The following MRPS9 variants were observed in gnomAD, a reference collection of about 807,000 sequenced individuals.
MRPS9 encodes small ribosomal subunit protein uS9m.
MRPS9 carries 45 observed loss-of-function variants against 59.9 expected under a neutral mutation model. The observed-to-expected ratio is 0.75, with a 90% CI of 0.59 to 0.96. The LOEUF (loss-of-function observed/expected upper bound fraction) is 0.96. MRPS9 is among the 40% of genes least tolerant of loss of function. The pLI, the probability that MRPS9 is intolerant of heterozygous loss-of-function variation, is 0.00. For synonymous variants in MRPS9, 171 were observed against 166.8 expected, an observed-to-expected ratio of 1.03 and a Z score of -0.19; for missense variants, 473 against 481.1, an observed-to-expected ratio of 0.98 and a Z score of 0.16.
At chr2:105,054,630 G>C (rs560320398) in intron 2 of MRPS9, among the ~76,000 whole-genome samples, 1 of 141,264 alleles carries the variant, frequency 7.1e-6, no homozygotes, top group Non-Finnish European at 1.5e-5. Flanking sequence ...TTTTGGTATC[G>C]CATTTTATTA....
rs373424317 is a variant in MRPS9 at position 105,058,622 on chromosome 2, C to T, written c.315+9272C>T. ...ACTTTTTCTTTCTTTTCTCTCAGCA[C>T]TTTTTGTTTTGGATTCACATTAAGT... On this transcript the variant is annotated intron_variant, in intron 2 of 10. Transcript: ENST00000258455. Among the ~76,000 whole-genome samples, 132 of 150,660 alleles carry T rather than the reference C, an allele frequency of 8.8e-4. 1 individual carries two copies. The highest frequency in any genetic ancestry group is 3.1e-3 in the African/African-American group (127 of 41,134).
At chr2:105,087,833 T>TTCCTTCCTTCC (rs1573446155) in intron 5 of MRPS9, among the ~76,000 whole-genome samples, 2 of 143,412 alleles carry the variant, frequency 1.4e-5, no homozygotes, top group Non-Finnish European at 1.5e-5. Context: ...CCTTCCTTCC[T>TTCCTTCCTTCC]TTGATTCCTC....
At chr2:105,042,552 GTCTT>G (rs531522880) in intron 1 of MRPS9, among the ~76,000 whole-genome samples, 119 of 152,304 alleles carry the variant, frequency 7.8e-4, no homozygotes, top group African/African-American at 2.8e-3. Flanking sequence ...ATGTATTTAG[GTCTT>G]TCTTCTATGG....
rs1201891417 is a variant in MRPS9 at position 105,084,135 on chromosome 2, G to A, written c.489+4073G>A. On this transcript the variant is annotated intron_variant, in intron 5 of 10. Coordinates refer to ENST00000258455, the MANE Select transcript of MRPS9 (RefSeq NM_182640.3). ...ACACTGCACTAGGTTTTAGCATTGTGTAGAAACTTCATTTATGTTTTAGAA... is the reference window on the plus strand; with the variant it reads ...ACACTGCACTAGGTTTTAGCATTGTATAGAAACTTCATTTATGTTTTAGAA... 2.6e-5 allele frequency among the ~76,000 whole-genome samples: 4 copies of A among 151,954 alleles called. No individual in the cohort carries two copies. In the East Asian group the frequency reaches 7.8e-4, roughly 30 times the overall value.
In MRPS9 at chr2:105,088,973, G is replaced by A; in HGVS notation, c.490-11G>A. 1 of 1,582,182 alleles carries A rather than the reference G, an allele frequency of 6.3e-7. No individual in the cohort carries two copies. Among genetic ancestry groups the A allele is most frequent in the Non-Finnish European group, 8.6e-7 (1 of 1,157,168 alleles). On this transcript the variant is annotated splice_polypyrimidine_tract_variant and intron_variant, in intron 5 of 10. Transcript: ENST00000258455. ...ATTTTTAGCATGTACTGTATATTTT[G>A]TTTGCCATAGGATGTATATGGAATG...
At chr2:105,084,195 G>C (rs899885438) in intron 5 of MRPS9, among the ~76,000 whole-genome samples, 1 of 149,450 alleles carries the variant, frequency 6.7e-6, no homozygotes, top group Non-Finnish European at 1.5e-5. Flanking sequence ...TATTTTCAAA[G>C]TATTTCTTTA....
intron 2 of MRPS9, among the ~76,000 whole-genome samples, chr2:105,051,550 G>A (rs534281677): frequency 6.6e-6 from 1 of 152,216 alleles, no homozygotes; most frequent in East Asian, 1.9e-4. Context: ...GAAATTTTAG[G>A]ATCAGCTTGT....
chr2:105,071,259 G>T lies in MRPS9; in HGVS notation c.316-54G>T. 3 of 1,461,492 alleles carry T rather than the reference G, an allele frequency of 2.1e-6. No individual in the cohort carries two copies. The South Asian group carries it at 3.6e-5, about 17-fold the overall frequency. The allele number at this position is 1,461,492 out of a possible 1,614,324, so 90.5% of individuals were successfully genotyped here. On this transcript the variant is annotated intron_variant, in intron 2 of 10. Transcript: ENST00000258455. ...TATAGAAAGCACTCTATAACTATTA[G>T]TTCTAACCTTGTTTATATAACAGTT... is the stretch of plus-strand genomic sequence containing the variant.
chr2:105,064,838 C>T (rs933575100), intron 2 of MRPS9, among the ~76,000 whole-genome samples: 25 of 152,268 alleles, frequency 1.6e-4, no homozygotes, highest in Admixed American at 2.0e-4. Context: ...AAACAATTTG[C>T]AAAGGCATTT....
chr2:105,058,144 CAG>C (rs1439329781), intron 2 of MRPS9, among the ~76,000 whole-genome samples: 2 of 152,282 alleles, frequency 1.3e-5, no homozygotes, highest in East Asian at 3.9e-4. Context: ...TTCTAATGAA[CAG>C]AGTCGTTAGG....
At chr2:105,083,674 A>T (rs912664523) in intron 5 of MRPS9, among the ~76,000 whole-genome samples, 10 of 152,180 alleles carry the variant, frequency 6.6e-5, no homozygotes, top group African/African-American at 2.4e-4. Context: ...TCTGCAGAAT[A>T]CAGACTGTGA....
At chr2:105,086,778 G>T (rs1053757943) in intron 5 of MRPS9, among the ~76,000 whole-genome samples, 1 of 151,300 alleles carries the variant, frequency 6.6e-6, no homozygotes, top group South Asian at 2.1e-4. Context: ...TGGATATGTA[G>T]TTGGAATGTA....
intron 10 of MRPS9, among the ~76,000 whole-genome samples, chr2:105,097,808 C>T (rs1228759781): frequency 1.3e-5 from 2 of 152,148 alleles, no homozygotes; most frequent in African/African-American, 2.4e-5. Context: ...TCGAGCAATC[C>T]TCCTGCCTCG....
At chr2:105,084,702 A>C (rs1057422493) in intron 5 of MRPS9, among the ~76,000 whole-genome samples, 2 of 152,232 alleles carry the variant, frequency 1.3e-5, no homozygotes, top group Non-Finnish European at 2.9e-5. Flanking sequence ...AAAAAGCTAC[A>C]AACTGATGCT....
intron 9 of MRPS9, 26 bp downstream of exon 9, chr2:105,093,664 T>C: frequency 7.9e-7 from 1 of 1,267,230 alleles, no homozygotes; most frequent in Non-Finnish European, 1.1e-6. Flanking sequence ...TGATTTTTTG[T>C]TTTTAAAGGA....
intron 2 of MRPS9, among the ~76,000 whole-genome samples, chr2:105,067,967 A>G (rs1680035479): frequency 6.6e-6 from 1 of 152,194 alleles, no homozygotes; most frequent in South Asian, 2.1e-4. Flanking sequence ...AGCTGGGACT[A>G]CAGTCATGTG....
At chr2:105,090,863 T>G (rs1680544022) in intron 7 of MRPS9, among the ~76,000 whole-genome samples, 1 of 152,198 alleles carries the variant, frequency 6.6e-6, no homozygotes, top group South Asian at 2.1e-4. Context: ...TGAATTGTTC[T>G]TTTTCTCATT....
chr2:105,096,308 A>C (rs1270331465), intron 9 of MRPS9, among the ~76,000 whole-genome samples: 1 of 152,224 alleles, frequency 6.6e-6, no homozygotes, highest in Non-Finnish European at 1.5e-5. Flanking sequence ...CAAAGAAAGC[A>C]AACGCAATAT....
chr2:105,038,362 A>T, intron 1 of MRPS9, 135 bp downstream of exon 1: 1 of 1,206,598 alleles, frequency 8.3e-7, no homozygotes, highest in Non-Finnish European at 1.1e-6. Flanking sequence ...TGGAGGTCTG[A>T]GGTTGGGGGG....
Sources: allele counts gnomAD v4.1 joint callset (sites outside exome capture counted in the v4.1 genomes callset), GRCh38; gene constraint gnomAD v4.1.1; transcripts MANE v1.5; gene names NCBI Gene and HGNC (gene_info 2026-07-23, HGNC 2026-07-21).